DOCK1: variants seen among roughly 807,000 people sequenced by gnomAD.
The protein encoded by DOCK1 is dedicator of cytokinesis protein 1.
Under a neutral mutation model 262.7 loss-of-function variants are expected in DOCK1, and 138 were observed. The ratio of observed to expected loss-of-function variants is 0.53; its 90% CI spans 0.46 to 0.61. The LOEUF is 0.61. Among genes scored for constraint, DOCK1 ranks in the 20% least tolerant of loss-of-function variants. The pLI, the probability that DOCK1 is intolerant of heterozygous loss-of-function variation, is 0.00. For synonymous variants in DOCK1, 866 were observed against 867.4 expected (o/e 1.00, Z 0.03); for missense variants, 1,908 against 2,370.7 (o/e 0.80, Z 4.05).
chr10:126,960,375 A>G (rs2037100670), intron 1 of DOCK1, among the ~76,000 whole-genome samples: 1 of 151,634 alleles, frequency 6.6e-6, no homozygotes, highest in Non-Finnish European at 1.5e-5. Flanking sequence ...GCACTTGAGA[A>G]GCCTTTATTG....
At chr10:127,043,003 G>A in intron 20 of DOCK1, 61 bp from the exon 21 acceptor site, 1 of 1,330,050 alleles carries the variant, frequency 7.5e-7, no homozygotes, top group South Asian at 1.3e-5. Flanking sequence ...TGGTTCTGAT[G>A]AAGATTATAA....
chr10:127,208,904 A>C (rs1412423469), intron 27 of DOCK1, among the ~76,000 whole-genome samples: 6 of 152,084 alleles, frequency 3.9e-5, no homozygotes, highest in Non-Finnish European at 7.4e-5. Context: ...AAGACTGTGG[A>C]GCTTCCTTAT....
At chr10:127,325,973 A>T (rs1209569475) in intron 29 of DOCK1, among the ~76,000 whole-genome samples, 1 of 152,244 alleles carries the variant, frequency 6.6e-6, no homozygotes, top group African/African-American at 2.4e-5. Flanking sequence ...TGTTTACACT[A>T]TAAAGTATTT....
intron 4 of DOCK1, among the ~76,000 whole-genome samples, chr10:126,985,451 C>T (rs2039312050): frequency 6.6e-6 from 1 of 152,112 alleles, no homozygotes; most frequent in African/African-American, 2.4e-5. Context: ...CCAGCTGGCA[C>T]ATTAATCCCA....
At chr10:127,037,511 A>G (rs573521506) in intron 18 of DOCK1, among the ~76,000 whole-genome samples, 1 of 152,314 alleles carries the variant, frequency 6.6e-6, no homozygotes, top group Non-Finnish European at 1.5e-5. Flanking sequence ...TTTCATGGTA[A>G]ATGTCGTTGG....
chr10:127,375,830 C>T (rs141308292), intron 35 of DOCK1, among the ~76,000 whole-genome samples: 1 of 152,180 alleles, frequency 6.6e-6, no homozygotes, highest in Non-Finnish European at 1.5e-5. Flanking sequence ...TCACTCCTGT[C>T]CTCACAACAA....
chr10:127,086,775 A>G (rs758251687), intron 23 of DOCK1, among the ~76,000 whole-genome samples: 6 of 152,238 alleles, frequency 3.9e-5, no homozygotes, highest in Non-Finnish European at 7.3e-5. Context: ...TCAAAGGGAC[A>G]TGTAAAAAGT....
rs184351464 is a variant in DOCK1 at position 127,229,031 on chromosome 10, G to A, written c.2848-18977G>A. Among the ~76,000 whole-genome samples the A allele has an allele frequency of 4.3e-4, 65 of 152,202 alleles. 1 individual carries two copies. The East Asian group carries it at 0.011, about 26-fold the overall frequency. On this transcript the variant is annotated intron_variant, in intron 27 of 51. Transcript: ENST00000623213. ...GTGGATCACCTGAGGTCAGGAGTTC[G>A]TGAGCAGCCTGGCCAACATGGTGAA...
intron 23 of DOCK1, among the ~76,000 whole-genome samples, chr10:127,081,705 C>T (rs1005897162): frequency 7.2e-5 from 11 of 152,168 alleles, no homozygotes; most frequent in Admixed American, 6.5e-5. Flanking sequence ...TGGTTCAGAA[C>T]AGGCAGTCTC....
At chr10:126,928,734 T>C (rs1326357108) in intron 1 of DOCK1, among the ~76,000 whole-genome samples, 1 of 152,148 alleles carries the variant, frequency 6.6e-6, no homozygotes, top group Non-Finnish European at 1.5e-5. Context: ...GAGGCAGAAG[T>C]GGGTGTTACA....
chr10:127,028,069 C>T (rs975628856), intron 16 of DOCK1, among the ~76,000 whole-genome samples: 3 of 20,640 alleles, frequency 1.5e-4, no homozygotes, highest in Admixed American at 6.1e-4. Context: ...CGGGGGAGTG[C>T]GGGGGGTGGG....
At chr10:127,159,822 C>T (rs1432499597) in intron 27 of DOCK1, among the ~76,000 whole-genome samples, 1 of 152,080 alleles carries the variant, frequency 6.6e-6, no homozygotes, top group Admixed American at 6.5e-5. Flanking sequence ...GGGTGGCTGC[C>T]GGCCTCAGCC....
At chr10:126,999,467 G>C (rs2040431883) in intron 9 of DOCK1, 32 bp downstream of exon 9, 1 of 1,584,626 alleles carries the variant, frequency 6.3e-7, no homozygotes, top group Non-Finnish European at 8.7e-7. Flanking sequence ...TAGTTGAATT[G>C]GCTACCATTC....
Position 127,397,985 on chromosome 10 carries a change from G to A in DOCK1, c.3928-5070G>A, listed in dbSNP as rs370097380. Among the ~76,000 whole-genome samples the A allele has an allele frequency of 1.3e-4, 20 of 152,132 alleles. No homozygotes were observed. The East Asian group carries it at 1.3e-3, about 10-fold the overall frequency. Reference sequence around the variant, plus strand: ...TCCTGTATTACACAACAGTGACTCCGATTTGGCAAGGCAGAGGTTCCCGTG... The same window carrying A: ...TCCTGTATTACACAACAGTGACTCCAATTTGGCAAGGCAGAGGTTCCCGTG... On this transcript the variant is annotated intron_variant, in intron 38 of 51. Coordinates refer to ENST00000623213, the MANE Select transcript of DOCK1 (RefSeq NM_001290223.2).
At chr10:127,273,291 TC>T (rs1423672283) in intron 29 of DOCK1, among the ~76,000 whole-genome samples, 3 of 152,188 alleles carry the variant, frequency 2.0e-5, no homozygotes, top group Non-Finnish European at 2.9e-5. Context: ...TTGAGGAGCT[TC>T]CCAGCATTCA....
At chr10:126,949,385 C>A (rs1014979444) in intron 1 of DOCK1, among the ~76,000 whole-genome samples, 1 of 152,112 alleles carries the variant, frequency 6.6e-6, no homozygotes, top group Non-Finnish European at 1.5e-5. Flanking sequence ...TTTCGGCTCC[C>A]ACGTGTCCCT....
At chr10:127,433,642 G>A (rs1181876937) in intron 48 of DOCK1, among the ~76,000 whole-genome samples, 1 of 151,730 alleles carries the variant, frequency 6.6e-6, no homozygotes, top group Admixed American at 6.6e-5. Context: ...TCCTCTCTTT[G>A]GGTACCACTT....
At chr10:127,152,841 G>C (rs1419106916) in intron 27 of DOCK1, among the ~76,000 whole-genome samples, 1 of 152,148 alleles carries the variant, frequency 6.6e-6, no homozygotes, top group Non-Finnish European at 1.5e-5. Context: ...AAGGTCTCCA[G>C]GTGACCCAGC....
chr10:126,979,372 G>A (rs563955769), intron 3 of DOCK1, among the ~76,000 whole-genome samples: 1 of 152,182 alleles, frequency 6.6e-6, no homozygotes, highest in African/African-American at 2.4e-5. Flanking sequence ...AAAAAATAGT[G>A]TGTATCTGCA....
Sources: allele counts gnomAD v4.1 joint callset (sites outside exome capture counted in the v4.1 genomes callset), GRCh38; gene constraint gnomAD v4.1.1; transcripts MANE v1.5; gene names NCBI Gene and HGNC (gene_info 2026-07-23, HGNC 2026-07-21).